The following AKAP19 variants were observed in gnomAD, a reference collection of about 807,000 sequenced individuals.
AKAP19 encodes the protein small A-kinase anchoring protein.
the AKAP19 span, among the ~76,000 whole-genome samples, chr2:189,972,536 G>C: frequency 2.6e-5 from 4 of 152,196 alleles, no homozygotes; most frequent in African/African-American, 9.7e-5. Flanking sequence ...TTGGTAGCTT[G>C]ATGGGGATGG....
chr2:190,057,774 T>C, the AKAP19 span: 2 of 859,938 alleles, frequency 2.3e-6, no homozygotes, highest in South Asian at 3.2e-5. Flanking sequence ...AGGCACAGCA[T>C]TAAGGAATGT....
the AKAP19 span, among the ~76,000 whole-genome samples, chr2:189,977,930 T>G: frequency 6.6e-6 from 1 of 152,244 alleles, no homozygotes; most frequent in Non-Finnish European, 1.5e-5. Flanking sequence ...GTTTTTCACT[T>G]TCAGTACAAT....
the AKAP19 span, among the ~76,000 whole-genome samples, chr2:190,163,357 C>T: frequency 6.6e-6 from 1 of 151,670 alleles, no homozygotes; most frequent in Non-Finnish European, 1.5e-5. Context: ...TGGCATGAAC[C>T]TGGGAGGCAG....
chr2:190,163,296 T>C, the AKAP19 span, among the ~76,000 whole-genome samples: 5 of 151,820 alleles, frequency 3.3e-5, no homozygotes, highest in Non-Finnish European at 5.9e-5. Flanking sequence ...TAGCCGGGCG[T>C]GTTGGCGGGC....
chr2:190,129,322 G>A, the AKAP19 span, among the ~76,000 whole-genome samples: 6 of 152,094 alleles, frequency 3.9e-5, no homozygotes, highest in Non-Finnish European at 8.8e-5. Flanking sequence ...AATTATTTGT[G>A]TAATTAAAAT....
the AKAP19 span, among the ~76,000 whole-genome samples, chr2:189,927,341 T>G: frequency 7.2e-5 from 11 of 152,238 alleles, no homozygotes; most frequent in African/African-American, 2.4e-4. Flanking sequence ...GTGAATAGTT[T>G]ATAGAGTATA....
the AKAP19 span, among the ~76,000 whole-genome samples, chr2:189,963,066 A>T: frequency 6.6e-6 from 1 of 152,168 alleles, no homozygotes; most frequent in Non-Finnish European, 1.5e-5. Context: ...AGCAATGTTC[A>T]TAGCATCTTC....
At chr2:190,188,084 A>G in the AKAP19 span, among the ~76,000 whole-genome samples, 1 of 152,156 alleles carries the variant, frequency 6.6e-6, no homozygotes, top group African/African-American at 2.4e-5. Flanking sequence ...GAGGGGTAGG[A>G]GACAGAGGGA....
the AKAP19 span, among the ~76,000 whole-genome samples, chr2:190,105,928 G>C: frequency 6.6e-6 from 1 of 152,098 alleles, no homozygotes; most frequent in African/African-American, 2.4e-5. Context: ...ACATTTCCTA[G>C]CACATTGTAA....
chr2:190,060,525 A>C, the AKAP19 span: 11 of 1,149,012 alleles, frequency 9.6e-6, no homozygotes, highest in Non-Finnish European at 1.2e-5. Flanking sequence ...TTTTTAAATT[A>C]AGATAATGTA....
At chr2:190,074,543 C>T in the AKAP19 span, among the ~76,000 whole-genome samples, 1 of 151,848 alleles carries the variant, frequency 6.6e-6, no homozygotes, top group Non-Finnish European at 1.5e-5. Flanking sequence ...CCCAGCTGCT[C>T]AGGAGGCTGA....
chr2:190,050,672 G>A, the AKAP19 span, among the ~76,000 whole-genome samples: 4 of 152,174 alleles, frequency 2.6e-5, no homozygotes, highest in Non-Finnish European at 5.9e-5. Flanking sequence ...AAGTGCAAGA[G>A]TCTAGGCTCA....
chr2:189,958,017 C>T, the AKAP19 span, among the ~76,000 whole-genome samples: 1 of 152,164 alleles, frequency 6.6e-6, no homozygotes, highest in Non-Finnish European at 1.5e-5. Flanking sequence ...TGGTCTCGAA[C>T]TCCTGACCTC....
the AKAP19 span, among the ~76,000 whole-genome samples, chr2:190,147,479 G>T: frequency 1.3e-5 from 2 of 152,054 alleles, no homozygotes; most frequent in African/African-American, 4.8e-5. Flanking sequence ...TTGGCTATGC[G>T]GGCTCTTTTT....
At chr2:190,122,996 G>C in the AKAP19 span, among the ~76,000 whole-genome samples, 1 of 151,860 alleles carries the variant, frequency 6.6e-6, no homozygotes, top group Non-Finnish European at 1.5e-5. Flanking sequence ...TTTTTTTGTA[G>C]AGACAAGATC....
the AKAP19 span, chr2:190,089,680 A>G: frequency 6.6e-6 from 1 of 152,190 alleles, no homozygotes; most frequent in Non-Finnish European, 1.5e-5. Flanking sequence ...GACTGTACAT[A>G]CACCATAAAG....
chr2:190,034,615 A>C, the AKAP19 span, among the ~76,000 whole-genome samples: 1 of 149,592 alleles, frequency 6.7e-6, no homozygotes, highest in Non-Finnish European at 1.5e-5. Flanking sequence ...GAGGCCAAGG[A>C]GGGCGGATCA....
chr2:190,133,959 G>T, the AKAP19 span, among the ~76,000 whole-genome samples: 131 of 152,258 alleles, frequency 8.6e-4, no homozygotes, highest in African/African-American at 3.0e-3. Flanking sequence ...TTATACACTT[G>T]AAATTTGCTT....
At chr2:189,896,130 T>A in the AKAP19 span, among the ~76,000 whole-genome samples, 2 of 152,168 alleles carry the variant, frequency 1.3e-5, no homozygotes, top group South Asian at 4.1e-4. Flanking sequence ...AAGAAGAATT[T>A]GACTTTCTTG....
Sources: allele counts gnomAD v4.1 joint callset (sites outside exome capture counted in the v4.1 genomes callset), GRCh38; gene constraint gnomAD v4.1.1; transcripts MANE v1.5; gene names NCBI Gene and HGNC (gene_info 2026-07-23, HGNC 2026-07-21).